Variants in USP50 observed in about 807,000 individuals in gnomAD.
USP50 encodes ubiquitin carboxyl-terminal hydrolase 50.
USP50 carries 37 observed loss-of-function variants against 39.2 expected under a neutral mutation model. The observed-to-expected ratio is 0.94, with a 90% CI of 0.73 to 1.24. The LOEUF (loss-of-function observed/expected upper bound fraction) is 1.24. Among genes scored for constraint, USP50 ranks in the 50% most tolerant of loss-of-function variants. The pLI is 0.00. For synonymous variants in USP50, 139 were observed against 144.5 expected (o/e 0.96, Z 0.27); for missense variants, 374 against 398.2 (o/e 0.94, Z 0.52).
downstream of USP50, chr15:50,498,614 G>C: frequency 6.2e-7 from 1 of 1,609,344 alleles, no homozygotes. Context: ...ACGATGGCAG[G>C]TGGAAACAAA....
At chr15:50,513,179 CT>C (rs1387608905) in intron 6 of USP50, 3 of 152,098 alleles carry the variant, frequency 2.0e-5, no homozygotes, top group Non-Finnish European at 4.4e-5. Context: ...TATGCACATA[CT>C]TTATGATCTA....
At chr15:50,505,579 A>G (rs900136768) in intron 6 of USP50, 10 of 152,242 alleles carry the variant, frequency 6.6e-5, no homozygotes, top group African/African-American at 2.4e-4. Context: ...GTGATTAACA[A>G]AAAAGACTGA....
At chr15:50,525,365 T>C (rs2052879929) in intron 6 of USP50, among the ~76,000 whole-genome samples, 1 of 151,832 alleles carries the variant, frequency 6.6e-6, no homozygotes, top group African/African-American at 2.4e-5. Context: ...AAATAAAAGG[T>C]ATTGTGTATT....
At chr15:50,543,256 C>T (rs1012267149) in intron 3 of USP50, among the ~76,000 whole-genome samples, 38 of 152,238 alleles carry the variant, frequency 2.5e-4, no homozygotes, top group African/African-American at 8.4e-4. Flanking sequence ...CTAGTCCATT[C>T]AGCCTCTATT....
At chr15:50,530,538 C>T (rs3105599) in intron 5 of USP50, among the ~76,000 whole-genome samples, 28,048 of 142,388 alleles carry the variant, frequency 0.2, 3,346 homozygotes, top group East Asian at 0.49. Context: ...GAGCTGAGAT[C>T]GCACCACTGC....
chr15:50,495,357 T>TAG (rs1341158675), intron 1 of USP50, among the ~76,000 whole-genome samples: 1 of 102,314 alleles, frequency 9.8e-6, no homozygotes, highest in Non-Finnish European at 2.1e-5. Context: ...TATATACATA[T>TAG]ATAGAGAGAG....
chr15:50,493,472 G>A (rs1478484990), downstream of USP50: 4 of 519,016 alleles, frequency 7.7e-6, no homozygotes, highest in Non-Finnish European at 1.5e-5. Flanking sequence ...AATAATGAAG[G>A]CTGGGCATGG....
intron 5 of USP50, among the ~76,000 whole-genome samples, chr15:50,534,215 G>A (rs959840130): frequency 1.8e-4 from 27 of 152,080 alleles, no homozygotes; most frequent in African/African-American, 6.5e-4. Flanking sequence ...ATATTCTTGT[G>A]TATCTTTATA....
chr15:50,525,967 A>C (rs1209444791), intron 6 of USP50, among the ~76,000 whole-genome samples: 2 of 152,120 alleles, frequency 1.3e-5, no homozygotes, highest in African/African-American at 4.8e-5. Flanking sequence ...ATACATGGGA[A>C]TAATATACAC....
chr15:50,525,343 A>G (rs1459435254), intron 6 of USP50, among the ~76,000 whole-genome samples: 1 of 152,000 alleles, frequency 6.6e-6, no homozygotes, highest in Non-Finnish European at 1.5e-5. Flanking sequence ...TGCGTGGCAG[A>G]GTGGCTATCG....
chr15:50,496,480 T>TAAAAAA (rs35899607), downstream of USP50, among the ~76,000 whole-genome samples: 1 of 116,500 alleles, frequency 8.6e-6, no homozygotes, highest in African/African-American at 3.3e-5. Context: ...GACTCCGTCT[T>TAAAAAA]AAAAAAAAAA....
At chr15:50,534,997 C>T (rs1411980679) in intron 5 of USP50, among the ~76,000 whole-genome samples, 1 of 151,988 alleles carries the variant, frequency 6.6e-6, no homozygotes, top group Non-Finnish European at 1.5e-5. Context: ...AAAAACCAGC[C>T]AGGTGTGGTG....
At chr15:50,539,914 T>A (rs1448515262) in intron 4 of USP50, among the ~76,000 whole-genome samples, 1 of 152,134 alleles carries the variant, frequency 6.6e-6, no homozygotes, top group Non-Finnish European at 1.5e-5. Flanking sequence ...AACCATTAAC[T>A]GGAAGAAGAA....
intron 3 of USP50, among the ~76,000 whole-genome samples, chr15:50,541,757 G>A (rs1238169224): frequency 6.6e-6 from 1 of 152,114 alleles, no homozygotes; most frequent in East Asian, 1.9e-4. Context: ...AGCCTTGGGA[G>A]CTAGTTTTTT....
intron 1 of USP50, among the ~76,000 whole-genome samples, chr15:50,546,083 G>A (rs753046554): frequency 6.6e-6 from 1 of 151,726 alleles, no homozygotes; most frequent in East Asian, 1.9e-4. Flanking sequence ...ACAATTTTTT[G>A]TATTGTGCCA....
intron 5 of USP50, among the ~76,000 whole-genome samples, chr15:50,531,766 A>C (rs1244515407): frequency 1.3e-5 from 2 of 152,214 alleles, no homozygotes; most frequent in Non-Finnish European, 2.9e-5. Flanking sequence ...CACCAAAAGC[A>C]ATGATGAGAG....
chr15:50,506,106 A>G (rs1391184569), intron 6 of USP50: 2 of 152,198 alleles, frequency 1.3e-5, no homozygotes, highest in African/African-American at 2.4e-5. Flanking sequence ...CATAATTACT[A>G]AAGAATCAAA....
downstream of USP50, chr15:50,495,779 C>T: frequency 3.1e-6 from 4 of 1,281,454 alleles, no homozygotes; most frequent in South Asian, 2.9e-5. Flanking sequence ...TTTGTATTCA[C>T]TTTTATTCTT....
In USP50 at chr15:50,531,407, G is replaced by A. The variant is rs979080703; in HGVS notation, c.804-1478C>T. On this transcript the variant is annotated intron_variant, in intron 5 of 6. Coordinates refer to ENST00000532404, the MANE Select transcript of USP50 (RefSeq NM_203494.5). ...AATAAAAAAGGCACTACTAATGCAC[G>A]CAACAACACAAAAGAATCATGCTAA... 3.3e-5 allele frequency among the ~76,000 whole-genome samples: 5 copies of A among 152,220 alleles called. 1 individual carries two copies. In the South Asian group the frequency reaches 8.3e-4, roughly 25 times the overall value.
Sources: gnomAD v4.1 joint callset for allele counts (sites outside exome capture counted in the v4.1 genomes callset) on GRCh38, gnomAD v4.1.1 for gene constraint, MANE v1.5 for transcripts, NCBI Gene and HGNC (gene_info 2026-07-23, HGNC 2026-07-21) for gene names.